Variants in WWOX observed in about 807,000 individuals in gnomAD.
WWOX encodes the protein WW domain containing oxidoreductase.
WWOX carries 69 observed loss-of-function variants against 46.2 expected under a neutral mutation model. The ratio of observed to expected loss-of-function variants is 1.49; its 90% CI spans 1.23 to 1.82. The LOEUF is 1.82. WWOX is among the 40% of genes most tolerant of loss of function. The probability of loss-of-function intolerance (pLI) is 0.00; values close to 1 mark genes in which losing one functional copy is unlikely to be tolerated. For synonymous variants in WWOX, 359 were observed against 202.6 expected (o/e 1.77, Z -6.56); for missense variants, 919 against 542.6 (o/e 1.69, Z -6.89).
chr16:78,384,570 A>G (rs1044242618), intron 5 of WWOX, among the ~76,000 whole-genome samples: 2 of 152,052 alleles, frequency 1.3e-5, no homozygotes, highest in African/African-American at 4.8e-5. Context: ...TGCCCTCTTT[A>G]TAGGGGGGAT....
intron 8 of WWOX, among the ~76,000 whole-genome samples, chr16:78,963,797 G>C (rs1271324515): frequency 6.6e-6 from 1 of 152,142 alleles, no homozygotes; most frequent in Non-Finnish European, 1.5e-5. Context: ...TGCTTTGGCT[G>C]TGTCCCCACC....
At chr16:78,977,133 C>G (rs1008892394) in intron 8 of WWOX, among the ~76,000 whole-genome samples, 1 of 152,164 alleles carries the variant, frequency 6.6e-6, no homozygotes, top group Admixed American at 6.5e-5. Flanking sequence ...CTCTTTACTC[C>G]CATATGTGGT....
At chr16:78,933,889 A>C (rs2151284571) in intron 8 of WWOX, among the ~76,000 whole-genome samples, 1 of 150,820 alleles carries the variant, frequency 6.6e-6, no homozygotes, top group South Asian at 2.1e-4. Context: ...ACACAGCTAA[A>C]CCATATCAAA....
At chr16:79,024,307 G>A (rs1436282479) in intron 8 of WWOX, among the ~76,000 whole-genome samples, 6 of 152,192 alleles carry the variant, frequency 3.9e-5, no homozygotes, top group Admixed American at 3.9e-4. Context: ...TGCGTAGGTT[G>A]TGGTGCAGTG....
intron 8 of WWOX, among the ~76,000 whole-genome samples, chr16:78,985,994 G>A (rs1222038432): frequency 6.6e-6 from 1 of 152,182 alleles, no homozygotes; most frequent in East Asian, 1.9e-4. Flanking sequence ...GCACTGTGCT[G>A]ACCTCCAATT....
intron 8 of WWOX, among the ~76,000 whole-genome samples, chr16:79,100,869 C>G (rs930240310): frequency 2.6e-5 from 4 of 151,936 alleles, no homozygotes; most frequent in African/African-American, 7.3e-5. Flanking sequence ...AATGTATTAA[C>G]AAGATGTCCA....
At chr16:78,513,008 G>T (rs1259714745) in intron 8 of WWOX, among the ~76,000 whole-genome samples, 1 of 152,172 alleles carries the variant, frequency 6.6e-6, no homozygotes, top group Non-Finnish European at 1.5e-5. Flanking sequence ...GGAGATATTT[G>T]TGGACCTTTC....
intron 8 of WWOX, among the ~76,000 whole-genome samples, chr16:78,698,147 C>T (rs1473474050): frequency 6.6e-6 from 1 of 152,182 alleles, no homozygotes; most frequent in Non-Finnish European, 1.5e-5. Context: ...CTATGAAATT[C>T]TTTGCCCTAG....
chr16:78,579,603 A>G (rs918075300), intron 8 of WWOX, among the ~76,000 whole-genome samples: 2 of 152,178 alleles, frequency 1.3e-5, no homozygotes, highest in African/African-American at 4.8e-5. Flanking sequence ...GAAGCCAGGA[A>G]ACTCCTGTAC....
intron 5 of WWOX, among the ~76,000 whole-genome samples, chr16:78,184,344 G>T (rs142625180): frequency 7.1e-4 from 108 of 152,208 alleles, no homozygotes; most frequent in African/African-American, 2.5e-3. Flanking sequence ...TTCGCTTGGT[G>T]TTTTCTCATG....
At chr16:78,939,472 A>C (rs113853125) in intron 8 of WWOX, among the ~76,000 whole-genome samples, 10 of 152,286 alleles carry the variant, frequency 6.6e-5, no homozygotes, top group Non-Finnish European at 1.3e-4. Context: ...GGGTGGACTT[A>C]ATTTTTTGAG....
At chr16:78,919,223 C>T (rs551437066) in intron 8 of WWOX, among the ~76,000 whole-genome samples, 45 of 152,154 alleles carry the variant, frequency 3.0e-4, no homozygotes, top group African/African-American at 1.1e-3. Context: ...TTATTTAATT[C>T]CCTTAACAGT....
chr16:78,512,949 G>C (rs1485546283), intron 8 of WWOX, among the ~76,000 whole-genome samples: 1 of 152,190 alleles, frequency 6.6e-6, no homozygotes, highest in Non-Finnish European at 1.5e-5. Flanking sequence ...TTAGTGAAAA[G>C]AGCCCTGCAT....
chr16:78,917,045 T>A (rs943102369), intron 8 of WWOX, among the ~76,000 whole-genome samples: 1 of 152,176 alleles, frequency 6.6e-6, no homozygotes, highest in Non-Finnish European at 1.5e-5. Flanking sequence ...TGACAAATGT[T>A]GACTCTTCTA....
intron 5 of WWOX, among the ~76,000 whole-genome samples, chr16:78,180,989 C>T (rs2035515479): frequency 6.6e-6 from 1 of 152,172 alleles, no homozygotes; most frequent in Non-Finnish European, 1.5e-5. Flanking sequence ...TTGTTTTCTA[C>T]TACTTAAAGC....
chr16:78,144,517 A>ACG (rs2034128856), intron 4 of WWOX, among the ~76,000 whole-genome samples: 1 of 41,898 alleles, frequency 2.4e-5, no homozygotes, highest in African/African-American at 8.2e-5. Flanking sequence ...ATATATATAT[A>ACG]TATATATTTT....
At position 78,351,190 on chromosome 16, in the gene WWOX, C is replaced by A. The variant is rs373516003; in HGVS notation, c.517-35670C>A. Among the ~76,000 whole-genome samples the A allele has an allele frequency of 1.2e-4, 18 of 152,298 alleles. 1 individual carries two copies. The East Asian group carries it at 3.3e-3, about 28-fold the overall frequency. The stretch of plus-strand genomic sequence containing the variant: ...GCACATACCAAGAGCTTACAGAGAT[C>A]CTTCTGGTTCAGAGGAAAGATTCAC... On this transcript the variant is annotated intron_variant, in intron 5 of 8. Transcript: ENST00000566780.
At chr16:78,803,208 T>G (rs1188528785) in intron 8 of WWOX, among the ~76,000 whole-genome samples, 1 of 151,968 alleles carries the variant, frequency 6.6e-6, no homozygotes, top group Non-Finnish European at 1.5e-5. Context: ...AGGTTCTTCC[T>G]TAAATAAAAA....
At chr16:78,846,334 G>A (rs1468361077) in intron 8 of WWOX, among the ~76,000 whole-genome samples, 1 of 152,112 alleles carries the variant, frequency 6.6e-6, no homozygotes, top group African/African-American at 2.4e-5. Flanking sequence ...TGGATTTGAC[G>A]GTGTGTCCTC....
Sources: gnomAD v4.1 joint callset for allele counts (sites outside exome capture counted in the v4.1 genomes callset) on GRCh38, gnomAD v4.1.1 for gene constraint, MANE v1.5 for transcripts, NCBI Gene and HGNC (gene_info 2026-07-23, HGNC 2026-07-21) for gene names.